The following RNF111 variants were observed in gnomAD, a reference collection of about 807,000 sequenced individuals.
RNF111 encodes ring finger protein 111.
Under a neutral mutation model 95.1 loss-of-function variants are expected in RNF111, and 17 were observed. The observed-to-expected ratio is 0.18, with a 90% CI of 0.12 to 0.27. The LOEUF is 0.27. RNF111 is among the 10% of genes least tolerant of loss of function. RNF111 has a pLI of 1.00. For missense variants in RNF111, 1,189 were observed against 1,210.4 expected (o/e 0.98, Z 0.26); for synonymous variants, 440 against 414.8 (o/e 1.06, Z -0.74).
intron 9 of RNF111, among the ~76,000 whole-genome samples, chr15:59,085,178 C>T (rs1359332043): frequency 2.0e-5 from 3 of 152,206 alleles, no homozygotes; most frequent in Non-Finnish European, 4.4e-5. Flanking sequence ...TAGCATATAA[C>T]AGTTTTACCC....
At chr15:59,020,140 ATGTT>A (rs2040265256) in intron 1 of RNF111, among the ~76,000 whole-genome samples, 1 of 148,524 alleles carries the variant, frequency 6.7e-6, no homozygotes, top group Non-Finnish European at 1.5e-5. Flanking sequence ...TATTTTATAT[ATGTT>A]AGATATATAA....
In RNF111 at chr15:59,094,911, C is replaced by A; in HGVS notation, c.*11C>A. 6.8e-7 allele frequency: 1 copy of A among 1,478,734 alleles called. No individual in the cohort carries two copies. The allele number at this position is 1,478,734 out of a possible 1,614,324, so 91.6% of individuals were successfully genotyped here. On this transcript the variant is annotated 3_prime_UTR_variant, in exon 14 of 14. Coordinates refer to ENST00000348370, the MANE Select transcript of RNF111 (RefSeq NM_017610.8). The stretch of plus-strand genomic sequence containing the variant: ...CCAAGTGAAAGTTGACACCATGTTT[C>A]AGAACTCTTGCCCTCCCTCTCATTC...
chr15:59,090,907 AG>A (rs1270993536), intron 11 of RNF111, 151 bp from the exon 12 acceptor site: 2 of 495,622 alleles, frequency 4.0e-6, no homozygotes, highest in Admixed American at 7.2e-5. Context: ...CTTATATATA[AG>A]TAACCACTTG....
At position 59,052,392 on chromosome 15, in the gene RNF111, A is replaced by G. The variant is rs1240796430; in HGVS notation, c.968A>G (p.Asp323Gly). 3.1e-6 allele frequency: 5 copies of G among 1,601,464 alleles called. No homozygotes were observed. The highest frequency in any genetic ancestry group is 4.3e-6 in the Non-Finnish European group (5 of 1,174,836). ...GAAGAAATTAATGTTACCTCAACTG[A>G]CAGTGAAGTGGAGATTGTAACAGTT... The part of the protein sequence containing the change: ...ANEEINVTST[D>G]SEVEIVTVGE... Residue 323 changes from aspartate to glycine, a missense_variant, in exon 3 of 14, where the codon GAC (aspartate) becomes GGC (glycine). Physicochemically the swap from Asp to Gly is moderately conservative, Grantham distance 94. Transcript: ENST00000348370.
chr15:58,988,777 G>A (rs1298679999), intron 1 of RNF111, among the ~76,000 whole-genome samples: 1 of 152,132 alleles, frequency 6.6e-6, no homozygotes, highest in Non-Finnish European at 1.5e-5. Context: ...TAATTTGTTC[G>A]TGTGTGTGTT....
At chr15:59,002,555 T>TAA (rs35689684) in intron 1 of RNF111, among the ~76,000 whole-genome samples, 2 of 144,868 alleles carry the variant, frequency 1.4e-5, no homozygotes, top group Admixed American at 6.8e-5. Flanking sequence ...TGCATTTAAT[T>TAA]AAAAAAAAAA....
chr15:59,093,843 C>G (rs1312498341), intron 13 of RNF111, among the ~76,000 whole-genome samples: 1 of 152,048 alleles, frequency 6.6e-6, no homozygotes, highest in Non-Finnish European at 1.5e-5. Context: ...TTTTTGCACA[C>G]TGTATTTCTA....
intron 1 of RNF111, among the ~76,000 whole-genome samples, chr15:58,989,675 C>G (rs1375409856): frequency 6.6e-6 from 1 of 152,154 alleles, no homozygotes; most frequent in African/African-American, 2.4e-5. Flanking sequence ...GAGGTTACAT[C>G]TTAACGAATT....
chr15:58,993,144 T>G (rs765138092), intron 1 of RNF111, among the ~76,000 whole-genome samples: 2 of 151,984 alleles, frequency 1.3e-5, no homozygotes, highest in Admixed American at 6.6e-5. Context: ...CCCTTCAGTC[T>G]GGGTGACAGA....
chr15:59,004,257 T>A, intron 1 of RNF111: 1 of 381,254 alleles, frequency 2.6e-6, no homozygotes, highest in South Asian at 4.1e-5. Flanking sequence ...TTATCTTTAC[T>A]GATCCTTAGT....
At chr15:59,049,745 C>CTTTTTTTTTTTTTTTT (rs368049097) in intron 2 of RNF111, 14 of 104,620 alleles carry the variant, frequency 1.3e-4, no homozygotes, top group African/African-American at 1.9e-4. Flanking sequence ...TTCTTTCTTT[C>CTTTTTTTTTTTTTTTT]TTTTTTTTTT....
chr15:59,077,528 C>G (rs947867547), intron 7 of RNF111, among the ~76,000 whole-genome samples: 7 of 152,110 alleles, frequency 4.6e-5, no homozygotes, highest in Non-Finnish European at 5.9e-5. Flanking sequence ...GGAAATCAAA[C>G]ATATTCTACT....
intron 6 of RNF111, among the ~76,000 whole-genome samples, chr15:59,068,841 C>A (rs1385886941): frequency 5.3e-5 from 8 of 151,836 alleles, no homozygotes; most frequent in African/African-American, 1.9e-4. Flanking sequence ...CTCTGGGAGG[C>A]CAAAGTGGGT....
chr15:59,028,028 T>G (rs1233656965), intron 1 of RNF111, among the ~76,000 whole-genome samples: 1 of 152,108 alleles, frequency 6.6e-6, no homozygotes, highest in Non-Finnish European at 1.5e-5. Context: ...GGTTTCACCA[T>G]GTTGGCCAGG....
At chr15:59,029,028 C>T (rs569755696) in intron 1 of RNF111, among the ~76,000 whole-genome samples, 1 of 152,160 alleles carries the variant, frequency 6.6e-6, no homozygotes, top group Non-Finnish European at 1.5e-5. Context: ...GATCCGCCCG[C>T]CTTGGCCTCC....
chr15:59,088,685 A>G (rs192666722), intron 10 of RNF111, among the ~76,000 whole-genome samples: 9 of 152,322 alleles, frequency 5.9e-5, no homozygotes, highest in Admixed American at 2.0e-4. Context: ...GCAAACACTG[A>G]ATTAGCAAAT....
chr15:59,066,627 G>A, intron 5 of RNF111, 137 bp from the exon 6 acceptor site: 1 of 732,188 alleles, frequency 1.4e-6, no homozygotes. Flanking sequence ...AAAGAACGTG[G>A]CACTATCACA....
At chr15:58,994,544 C>T (rs1260786100) in intron 1 of RNF111, among the ~76,000 whole-genome samples, 1 of 123,806 alleles carries the variant, frequency 8.1e-6, no homozygotes, top group Non-Finnish European at 1.6e-5. Flanking sequence ...GCAGTGTGAT[C>T]TCGGCTCACT....
chr15:59,072,028 T>A (rs1398221598), intron 6 of RNF111, among the ~76,000 whole-genome samples: 1 of 152,238 alleles, frequency 6.6e-6, no homozygotes, highest in Non-Finnish European at 1.5e-5. Context: ...AAAAATACCT[T>A]ATTGTACATG....
Sources: gnomAD v4.1 joint callset for allele counts (sites outside exome capture counted in the v4.1 genomes callset) on GRCh38, gnomAD v4.1.1 for gene constraint, MANE v1.5 for transcripts, NCBI Gene and HGNC (gene_info 2026-07-23, HGNC 2026-07-21) for gene names.